The following MPPED2 variants were observed in gnomAD, a reference collection of about 807,000 sequenced individuals.
MPPED2 encodes metallophosphoesterase domain containing 2, also known as metallophosphoesterase MPPED2.
MPPED2 carries 5 observed loss-of-function variants against 33.0 expected under a neutral mutation model. The observed-to-expected ratio is 0.15, with a 90% CI of 0.08 to 0.32. MPPED2 has a LOEUF of 0.32. Among genes scored for constraint, MPPED2 ranks in the 10% least tolerant of loss-of-function variants. MPPED2 has a pLI of 1.00. For synonymous variants in MPPED2, 136 were observed against 141.9 expected, an observed-to-expected ratio of 0.96 and a Z score of 0.29; for missense variants, 275 against 372.1, an observed-to-expected ratio of 0.74 and a Z score of 2.15.
intron 4 of MPPED2, among the ~76,000 whole-genome samples, chr11:30,425,914 A>G (rs912111824): frequency 6.6e-6 from 1 of 152,212 alleles, no homozygotes; most frequent in Admixed American, 6.5e-5. Flanking sequence ...ACGTAAAGAA[A>G]AGGGATATTT....
chr11:30,438,669 T>C (rs553471137), intron 4 of MPPED2, among the ~76,000 whole-genome samples: 42 of 152,336 alleles, frequency 2.8e-4, no homozygotes, highest in South Asian at 1.0e-3. Flanking sequence ...TCAGCTTCTT[T>C]AGGTGAAAGA....
intron 6 of MPPED2, among the ~76,000 whole-genome samples, chr11:30,390,450 G>A (rs1947757192): frequency 6.6e-6 from 1 of 152,156 alleles, no homozygotes; most frequent in South Asian, 2.1e-4. Flanking sequence ...CACTTATGTT[G>A]GCCAAAGTAT....
rs190323825 is a variant in MPPED2 at position 30,418,233 on chromosome 11, C to T, written c.537-600G>A. 2.0e-3 allele frequency among the ~76,000 whole-genome samples: 309 copies of T among 152,258 alleles called. 1 individual carries two copies. Among genetic ancestry groups the T allele is most frequent in the African/African-American group, 6.6e-3 (275 of 41,552 alleles). ...AGGAACACAGTAAACAGAAAGTAAACACAGAACTTTTCTTCTGCCACCAAA... is the reference window on the plus strand; with the variant it reads ...AGGAACACAGTAAACAGAAAGTAAATACAGAACTTTTCTTCTGCCACCAAA... On this transcript the variant is annotated intron_variant, in intron 4 of 6. Coordinates refer to ENST00000358117, the MANE Select transcript of MPPED2 (RefSeq NM_001584.3).
Position 30,417,262 on chromosome 11 carries a change from CTG to C in MPPED2, c.652+254_652+255del, listed in dbSNP as rs1228101806. Among the ~76,000 whole-genome samples, 10 of 152,264 alleles carry C rather than the reference CTG, an allele frequency of 6.6e-5. No homozygotes were observed. In the East Asian group the frequency reaches 1.5e-3, roughly 24 times the overall value. On this transcript the variant is annotated intron_variant, in intron 5 of 6. Transcript: ENST00000358117. ...AAAATAAATTATCAAGCTCAGAAGA[CTG>C]TGGCACACCATACTCATTTGATTTT...
At chr11:30,478,609 A>G (rs1211503538) in intron 4 of MPPED2, among the ~76,000 whole-genome samples, 1 of 152,100 alleles carries the variant, frequency 6.6e-6, no homozygotes, top group East Asian at 1.9e-4. Context: ...ATTTACTTCT[A>G]TCCATCTAAA....
intron 4 of MPPED2, among the ~76,000 whole-genome samples, chr11:30,449,917 AC>A (rs992973908): frequency 6.6e-6 from 1 of 151,796 alleles, no homozygotes; most frequent in Non-Finnish European, 1.5e-5. Context: ...AGATGCCCAA[AC>A]CCCCTTTCCT....
At chr11:30,426,461 C>T (rs919712149) in intron 4 of MPPED2, among the ~76,000 whole-genome samples, 9 of 152,124 alleles carry the variant, frequency 5.9e-5, no homozygotes, top group Non-Finnish European at 4.4e-5. Flanking sequence ...CAGGGAGACC[C>T]GGATAATAAG....
At chr11:30,455,792 G>A in intron 4 of MPPED2, among the ~76,000 whole-genome samples, 1 of 152,154 alleles carries the variant, frequency 6.6e-6, no homozygotes, top group Non-Finnish European at 1.5e-5. Context: ...ACTCACAAAG[G>A]TAAAGAGCCC....
At chr11:30,446,152 G>A (rs1949799689) in intron 4 of MPPED2, among the ~76,000 whole-genome samples, 1 of 152,212 alleles carries the variant, frequency 6.6e-6, no homozygotes, top group South Asian at 2.1e-4. Context: ...AGCTTTGCAG[G>A]CAAAGTCAAA....
intron 5 of MPPED2, among the ~76,000 whole-genome samples, chr11:30,416,950 T>C (rs1040452169): frequency 6.6e-6 from 1 of 152,234 alleles, no homozygotes; most frequent in Non-Finnish European, 1.5e-5. Flanking sequence ...TAAATCTGGA[T>C]GCAGCCTCCA....
At chr11:30,447,135 T>G (rs1190312741) in intron 4 of MPPED2, among the ~76,000 whole-genome samples, 1 of 152,176 alleles carries the variant, frequency 6.6e-6, no homozygotes, top group Non-Finnish European at 1.5e-5. Flanking sequence ...GTTTGTCAGG[T>G]GGGTTCTCCC....
At chr11:30,535,166 T>C (rs1954743885) in intron 3 of MPPED2, among the ~76,000 whole-genome samples, 2 of 152,220 alleles carry the variant, frequency 1.3e-5, no homozygotes, top group South Asian at 4.1e-4. Flanking sequence ...TGCTTTAGTT[T>C]GATGGAAAAC....
intron 4 of MPPED2, among the ~76,000 whole-genome samples, chr11:30,460,389 G>A (rs1306612164): frequency 2.0e-5 from 3 of 152,180 alleles, no homozygotes; most frequent in Non-Finnish European, 4.4e-5. Context: ...GAAGGCTGAG[G>A]TGGAAGGATC....
intron 4 of MPPED2, among the ~76,000 whole-genome samples, chr11:30,439,755 T>C (rs1373629843): frequency 1.3e-5 from 2 of 152,240 alleles, no homozygotes; most frequent in African/African-American, 2.4e-5. Context: ...CTACATTTAT[T>C]TACCTTTGTA....
At chr11:30,580,670 AT>A (rs2134917739) in intron 1 of MPPED2, among the ~76,000 whole-genome samples, 176 bp from the exon 2 acceptor site, 1 of 152,330 alleles carries the variant, frequency 6.6e-6, no homozygotes, top group African/African-American at 2.4e-5. Flanking sequence ...CAAAGTGGAT[AT>A]TACACTCTAT....
At chr11:30,516,859 T>C (rs988147348) in intron 3 of MPPED2, among the ~76,000 whole-genome samples, 1 of 152,176 alleles carries the variant, frequency 6.6e-6, no homozygotes, top group Non-Finnish European at 1.5e-5. Context: ...AGGCATTCAA[T>C]TGAGCAAGCA....
intron 4 of MPPED2, chr11:30,468,798 G>C (rs1950828054): frequency 6.6e-6 from 1 of 152,118 alleles, no homozygotes; most frequent in African/African-American, 2.4e-5. Flanking sequence ...TCATAAACCT[G>C]AAAATAGGAG....
chr11:30,543,713 C>T (rs1180896357), intron 2 of MPPED2, among the ~76,000 whole-genome samples: 1 of 151,270 alleles, frequency 6.6e-6, no homozygotes, highest in Non-Finnish European at 1.5e-5. Flanking sequence ...AACAAAGAAG[C>T]CAGAATTCCA....
At chr11:30,389,485 A>G (rs1001256769) in intron 6 of MPPED2, among the ~76,000 whole-genome samples, 3 of 152,312 alleles carry the variant, frequency 2.0e-5, no homozygotes, top group East Asian at 1.9e-4. Flanking sequence ...TTTTGCTTCT[A>G]TGTATTCATA....
Sources: allele counts gnomAD v4.1 joint callset (sites outside exome capture counted in the v4.1 genomes callset), GRCh38; gene constraint gnomAD v4.1.1; transcripts MANE v1.5; gene names NCBI Gene and HGNC (gene_info 2026-07-23, HGNC 2026-07-21).